Variants in C2orf49 observed in about 807,000 individuals in gnomAD.
C2orf49 encodes the protein tRNA-splicing ligase complex subunit ASW.
C2orf49 carries 11 observed loss-of-function variants against 20.6 expected under a neutral mutation model. The ratio of observed to expected loss-of-function variants is 0.53; its 90% CI spans 0.34 to 0.88. The LOEUF (loss-of-function observed/expected upper bound fraction) is 0.88, where lower values mean the gene tolerates loss of function less well. Among genes scored for constraint, C2orf49 ranks in the 40% least tolerant of loss-of-function variants. The pLI is 0.02. For synonymous variants in C2orf49, 134 were observed against 108.5 expected (o/e 1.24, Z -1.46); for missense variants, 289 against 274.2 (o/e 1.05, Z -0.38).
At chr2:105,339,874 C>G in intron 2 of C2orf49, 125 bp downstream of exon 2, 1 of 808,376 alleles carries the variant, frequency 1.2e-6, no homozygotes, top group South Asian at 2.2e-5. Context: ...CTATTGAGCA[C>G]CAGGCACTGT....
the C2orf49 span, chr2:105,378,877 A>C: frequency 6.6e-6 from 1 of 152,172 alleles, no homozygotes; most frequent in African/African-American, 2.4e-5. Context: ...CCTCAGTGGG[A>C]ACAGAACTGG....
the C2orf49 span, among the ~76,000 whole-genome samples, chr2:105,382,052 T>C: frequency 6.6e-6 from 1 of 152,234 alleles, no homozygotes; most frequent in Non-Finnish European, 1.5e-5. Flanking sequence ...TCGTCTCCTA[T>C]TTCAGAGCCC....
chr2:105,365,250 G>A, the C2orf49 span, among the ~76,000 whole-genome samples: 6 of 152,286 alleles, frequency 3.9e-5, no homozygotes, highest in South Asian at 6.2e-4. Flanking sequence ...AACTACTGAC[G>A]GGTTTGACAC....
chr2:105,379,572 G>C, the C2orf49 span, among the ~76,000 whole-genome samples: 1 of 152,170 alleles, frequency 6.6e-6, no homozygotes, highest in Admixed American at 6.6e-5. Flanking sequence ...ACCAAAAAGT[G>C]TTTTCTCCAA....
In C2orf49 at chr2:105,346,832, G is replaced by A. The variant is rs1679825353; in HGVS notation, c.*1461G>A. On this transcript the variant is annotated 3_prime_UTR_variant, in exon 4 of 4. Transcript: ENST00000258457. ...TTTGAGTGGTATTTTCACTCCAATT[G>A]TATAATGGAAATCAGTGGGAAAATA... The A allele has an allele frequency of 1.3e-5, 2 of 152,116 alleles. No individual in the cohort carries two copies. Among genetic ancestry groups the A allele is most frequent in the Non-Finnish European group, 1.5e-5 (1 of 68,016 alleles). 9.4% of individuals were successfully genotyped at this position (152,116 alleles called of 1,614,324 possible).
chr2:105,357,865 C>T, the C2orf49 span: 1 of 152,090 alleles, frequency 6.6e-6, no homozygotes, highest in East Asian at 1.9e-4. Flanking sequence ...TGTGTTCAGC[C>T]AGTGTTTGGT....
At chr2:105,368,325 C>G in the C2orf49 span, among the ~76,000 whole-genome samples, 1 of 152,094 alleles carries the variant, frequency 6.6e-6, no homozygotes, top group Non-Finnish European at 1.5e-5. Context: ...TAATTAAAAC[C>G]TACATGTAGT....
chr2:105,379,109 T>C, the C2orf49 span, among the ~76,000 whole-genome samples: 1 of 152,200 alleles, frequency 6.6e-6, no homozygotes, highest in African/African-American at 2.4e-5. Flanking sequence ...AATGCCAGAT[T>C]GACTAAACTT....
the C2orf49 span, among the ~76,000 whole-genome samples, chr2:105,365,765 A>G: frequency 6.6e-6 from 1 of 151,844 alleles, no homozygotes; most frequent in Non-Finnish European, 1.5e-5. Context: ...GAATCACTTG[A>G]ACCCAGAAAG....
Position 105,337,684 on chromosome 2 carries a change from CAGGTTGGGCGCGCCGGATCGG to C in C2orf49, c.99+2_99+22del. On this transcript the variant is annotated splice_donor_variant and splice_donor_5th_base_variant and coding_sequence_variant and intron_variant, in exon 1 of 4. Coordinates refer to ENST00000258457, the MANE Select transcript of C2orf49 (RefSeq NM_024093.3). LOFTEE classifies it high-confidence loss of function. ...GGAGTTCCTTCTCCTCACTCTGGAG[CAGGTTGGGCGCGCCGGATCGG>C]AGGGTGGGCGGGTGGGCCTTCCCAG... 1 of 557,826 alleles carries C rather than the reference CAGGTTGGGCGCGCCGGATCGG, an allele frequency of 1.8e-6. No individual in the cohort carries two copies. Among genetic ancestry groups the C allele is most frequent in the Non-Finnish European group, 2.4e-6 (1 of 414,352 alleles). The allele number at this position is 557,826 out of a possible 1,614,324, so 34.6% of individuals were successfully genotyped here.
chr2:105,337,703 CGGAGGGTGGGCGGGTGGG>C lies in C2orf49; in HGVS notation c.99+18_99+35del. 1.0e-5 allele frequency: 1 copy of C among 99,748 alleles called. No homozygotes were observed. The highest frequency in any genetic ancestry group is 4.9e-4 in the Admixed American group (1 of 2,060). 6.2% of individuals were successfully genotyped at this position (99,748 alleles called of 1,614,324 possible). A position where few individuals can be genotyped will look rare whatever the true frequency, so the allele number is the denominator to read the frequency against. Reference sequence around the variant, plus strand: ...CTGGAGCAGGTTGGGCGCGCCGGATCGGAGGGTGGGCGGGTGGGCCTTCCCAGGTGAGGCGCTTGCACC... The same window carrying C: ...CTGGAGCAGGTTGGGCGCGCCGGATCCCTTCCCAGGTGAGGCGCTTGCACC... On this transcript the variant is annotated intron_variant, in intron 1 of 3. Coordinates refer to ENST00000258457, the MANE Select transcript of C2orf49 (RefSeq NM_024093.3).
At chr2:105,359,344 A>G in the C2orf49 span, 2 of 152,216 alleles carry the variant, frequency 1.3e-5, no homozygotes, top group Non-Finnish European at 2.9e-5. Context: ...CTAACAAAGG[A>G]TGAAATTATT....
downstream of C2orf49, among the ~76,000 whole-genome samples, chr2:105,350,656 AC>A (rs1272875466): frequency 6.6e-6 from 1 of 152,264 alleles, no homozygotes; most frequent in African/African-American, 2.4e-5. Flanking sequence ...ATGGTGAAAG[AC>A]AAATGCTTTT....
the C2orf49 span, among the ~76,000 whole-genome samples, chr2:105,384,705 G>A: frequency 4.3e-4 from 66 of 152,284 alleles, no homozygotes; most frequent in East Asian, 2.3e-3. Flanking sequence ...ACAGGGTTTC[G>A]CCATGTTGGC....
At chr2:105,357,264 T>G in the C2orf49 span, among the ~76,000 whole-genome samples, 3 of 152,224 alleles carry the variant, frequency 2.0e-5, no homozygotes, top group South Asian at 2.1e-4. Context: ...TTTCTGTTTT[T>G]CAGATTGTAT....
intron 2 of C2orf49, among the ~76,000 whole-genome samples, chr2:105,340,830 C>A (rs528284830): frequency 1.7e-4 from 26 of 152,038 alleles, no homozygotes; most frequent in African/African-American, 6.0e-4. Context: ...TTAGGGCCTT[C>A]TATTTGTAAG....
the C2orf49 span, among the ~76,000 whole-genome samples, chr2:105,385,727 C>T: frequency 2.0e-5 from 3 of 152,276 alleles, no homozygotes; most frequent in South Asian, 2.1e-4. Flanking sequence ...TGCTGAGAAG[C>T]GCAGGTCAGG....
downstream of C2orf49, among the ~76,000 whole-genome samples, chr2:105,351,685 A>G (rs79722437): frequency 0.067 from 10,115 of 152,050 alleles, 401 homozygotes; most frequent in Admixed American, 0.13. Flanking sequence ...GTATTATAGG[A>G]TGCTCTAGCG....
the C2orf49 span, among the ~76,000 whole-genome samples, chr2:105,381,074 G>A: frequency 1.3e-5 from 2 of 152,070 alleles, no homozygotes; most frequent in African/African-American, 4.8e-5. Context: ...GGGTGGCAGG[G>A]TCACCCAGAC....
Sources: gnomAD v4.1 joint callset for allele counts (sites outside exome capture counted in the v4.1 genomes callset) on GRCh38, gnomAD v4.1.1 for gene constraint, MANE v1.5 for transcripts, NCBI Gene and HGNC (gene_info 2026-07-23, HGNC 2026-07-21) for gene names.